The following PCDHGA5 variants were observed in gnomAD, a reference collection of about 807,000 sequenced individuals.
PCDHGA5 encodes the protein protocadherin gamma subfamily A, 5, also known as protocadherin gamma-A5.
PCDHGA5 carries 36 observed loss-of-function variants against 56.7 expected under a neutral mutation model. The observed-to-expected ratio is 0.64, with a 90% CI of 0.49 to 0.84. The LOEUF (loss-of-function observed/expected upper bound fraction) is 0.84. Among genes scored for constraint, PCDHGA5 ranks in the 40% least tolerant of loss-of-function variants. The pLI is 0.00. For synonymous variants in PCDHGA5, 563 were observed against 520.2 expected (o/e 1.08, Z -1.12); for missense variants, 1,305 against 1,201.5 (o/e 1.09, Z -1.27).
chr5:141,479,109 A>G (rs925202951), intron 1 of PCDHGA5, among the ~76,000 whole-genome samples: 4 of 152,234 alleles, frequency 2.6e-5, no homozygotes, highest in Admixed American at 2.6e-4. Context: ...TATTTCAAGC[A>G]TTCTACTGGA....
intron 1 of PCDHGA5, among the ~76,000 whole-genome samples, chr5:141,483,725 C>T (rs903001715): frequency 1.3e-5 from 2 of 152,008 alleles, no homozygotes; most frequent in Non-Finnish European, 1.5e-5. Context: ...TGGTTCCCAC[C>T]ATAGTCAAAA....
chr5:141,477,482 C>T lies in PCDHGA5; in HGVS notation c.2422-17325C>T, dbSNP rs1168724444. The T allele has an allele frequency of 6.2e-7, 1 of 1,614,118 alleles. No individual in the cohort carries two copies. Among genetic ancestry groups the T allele is most frequent in the Non-Finnish European group, 8.5e-7 (1 of 1,180,016 alleles). ...GTCCGACATCAATGACAACCCTCCA[C>T]AATCTTCTCAATCTTCCTACGACGT... is the stretch of plus-strand genomic sequence containing the variant. On this transcript the variant is annotated intron_variant, in intron 1 of 3. Coordinates refer to ENST00000518069, the MANE Select transcript of PCDHGA5 (RefSeq NM_018918.3). This position sits in a 1 kb window ranked among gnomAD's most constrained non-coding sequence, Gnocchi z 4.9.
At chr5:141,390,237 G>A (rs748278212) in intron 1 of PCDHGA5, 2 of 1,614,004 alleles carry the variant, frequency 1.2e-6, no homozygotes, top group Non-Finnish European at 1.7e-6. Flanking sequence ...TTCATCTGGG[G>A]CCTTATTTCC....
rs1459105534 is a variant in PCDHGA5 at position 141,366,603 on chromosome 5, C to T, written c.2273C>T (p.Ser758Phe). 5 of 1,614,108 alleles carry T rather than the reference C, an allele frequency of 3.1e-6. No homozygotes were observed. The Admixed American group carries it at 8.3e-5, about 27-fold the overall frequency. ...CTGCAGACCTATTCCCACGAGGTCT[C>T]CCTCACCGCGGACTCGAGGAAGAGT... is the stretch of plus-strand genomic sequence containing the variant. ...AFLQTYSHEV[S>F]LTADSRKSHL... The change falls in exon 1 of 4, where the codon TCC (serine) becomes TTC (phenylalanine). Residue 758 changes from serine to phenylalanine, a missense_variant. Transcript: ENST00000518069.
chr5:141,396,814 G>C (rs573559857), intron 1 of PCDHGA5, among the ~76,000 whole-genome samples: 10 of 152,322 alleles, frequency 6.6e-5, no homozygotes, highest in African/African-American at 2.2e-4. Flanking sequence ...GTGTTCTACT[G>C]TATGGTGCAT....
At position 141,492,138 on chromosome 5, in the gene PCDHGA5, T is replaced by C. The variant is rs577884713; in HGVS notation, c.2422-2669T>C. ...ATTTCTCCCCAGCTCCCAGCATCTG[T>C]GACTTCACTGTTACCCTCCCTATCC... On this transcript the variant is annotated intron_variant, in intron 1 of 3. Coordinates refer to ENST00000518069, the MANE Select transcript of PCDHGA5 (RefSeq NM_018918.3). 2.4e-3 allele frequency among the ~76,000 whole-genome samples: 366 copies of C among 152,312 alleles called. 1 individual carries two copies. Among genetic ancestry groups the C allele is most frequent in the Non-Finnish European group, 3.5e-3 (238 of 68,014 alleles).
At chr5:141,398,075 A>T in intron 1 of PCDHGA5, 1 of 1,592,106 alleles carries the variant, frequency 6.3e-7, no homozygotes, top group Non-Finnish European at 8.6e-7. Flanking sequence ...TACAGAGGTT[A>T]TTTGTAACCT....
At position 141,393,612 on chromosome 5, in the gene PCDHGA5, A is replaced by G. The variant is rs1171689277; in HGVS notation, c.2421+26861A>G. Reference sequence around the variant, plus strand: ...CACGCGGCTGCTTACTGTAACAGCCAGCGACCCGGATGAGGGAATCAACGG... The same window carrying G: ...CACGCGGCTGCTTACTGTAACAGCCGGCGACCCGGATGAGGGAATCAACGG... On this transcript the variant is annotated intron_variant, in intron 1 of 3. Coordinates refer to ENST00000518069, the MANE Select transcript of PCDHGA5 (RefSeq NM_018918.3). 6.2e-7 allele frequency: 1 copy of G among 1,613,840 alleles called. No homozygotes were observed. Among genetic ancestry groups the G allele is most frequent in the Non-Finnish European group, 8.5e-7 (1 of 1,179,908 alleles).
At chr5:141,488,705 G>C (rs1024064135) in intron 1 of PCDHGA5, among the ~76,000 whole-genome samples, 8 of 152,200 alleles carry the variant, frequency 5.3e-5, no homozygotes, top group Non-Finnish European at 1.2e-4. Context: ...AGATTTTGCT[G>C]GTTCAAGCAA....
At chr5:141,504,785 G>A (rs1439244687) in intron 2 of PCDHGA5, among the ~76,000 whole-genome samples, 1 of 151,964 alleles carries the variant, frequency 6.6e-6, no homozygotes, top group East Asian at 1.9e-4. Context: ...GTCTCTTGGG[G>A]CCTCCTACAT....
chr5:141,452,449 T>G (rs1482580788), intron 1 of PCDHGA5, among the ~76,000 whole-genome samples: 1 of 152,224 alleles, frequency 6.6e-6, no homozygotes, highest in South Asian at 2.1e-4. Flanking sequence ...TTCTAGGCCT[T>G]GTCAGCAGAC....
intron 1 of PCDHGA5, chr5:141,398,970 C>G (rs1320199481): frequency 6.2e-7 from 1 of 1,613,958 alleles, no homozygotes; most frequent in South Asian, 1.1e-5. Flanking sequence ...CTTATTCCTT[C>G]TACAGAACCG....
At position 141,477,896 on chromosome 5, in the gene PCDHGA5, G is replaced by A. The variant is rs1444527086; in HGVS notation, c.2422-16911G>A. 2 of 1,614,174 alleles carry A rather than the reference G, an allele frequency of 1.2e-6. No individual in the cohort carries two copies. Among genetic ancestry groups the A allele is most frequent in the Non-Finnish European group, 1.7e-6 (2 of 1,180,038 alleles). ...AGCTGGCCACCTAGTGTCACGGGTG[G>A]TAGGCTGGGACGCGGATGCAGGGCA... On this transcript the variant is annotated intron_variant, in intron 1 of 3. Coordinates refer to ENST00000518069, the MANE Select transcript of PCDHGA5 (RefSeq NM_018918.3). The surrounding 1 kb of genome is among the most constrained non-coding windows in gnomAD (Gnocchi z 4.9).
rs1366184046 is a variant in PCDHGA5 at position 141,364,744 on chromosome 5, A to T, written c.414A>T (p.Leu138Phe). The change falls in exon 1 of 4, where the codon TTA (leucine) becomes TTT (phenylalanine). Residue 138 changes from leucine (L) to phenylalanine (F), a missense_variant. Transcript: ENST00000518069. ...DNFPRFRDEE[L>F]KVKVNENAAA... The stretch of plus-strand genomic sequence containing the variant: ...TCCCGCGTTTCCGGGATGAAGAGTT[A>T]AAAGTAAAAGTTAATGAAAATGCGG... 1 of 1,613,990 alleles carries T rather than the reference A, an allele frequency of 6.2e-7. No individual in the cohort carries two copies. Among genetic ancestry groups the T allele is most frequent in the Non-Finnish European group, 8.5e-7 (1 of 1,179,882 alleles).
intron 1 of PCDHGA5, chr5:141,419,831 G>C: frequency 1.9e-6 from 3 of 1,614,048 alleles, no homozygotes; most frequent in Non-Finnish European, 2.5e-6. Context: ...TTCAGCCACT[G>C]CCACGCTGCA....
rs994881086 is a variant in PCDHGA5, at chr5:141,417,704, A to C, written c.2421+50953A>C. 1.0e-4 allele frequency: 125 copies of C among 1,207,342 alleles called. 3 individuals are homozygous for C. In the East Asian group the frequency reaches 2.7e-3, roughly 26 times the overall value. The allele number at this position is 1,207,342 out of a possible 1,614,324, so 74.8% of individuals were successfully genotyped here. Reference sequence around the variant, plus strand: ...CAGAAAAGAAAACCAGCTCCCACACAGAGGCTCCCGGCTGCGCAGACCTTG... The same window carrying C: ...CAGAAAAGAAAACCAGCTCCCACACCGAGGCTCCCGGCTGCGCAGACCTTG... On this transcript the variant is annotated intron_variant, in intron 1 of 3. Transcript: ENST00000518069.
At chr5:141,406,083 T>C (rs539696065) in intron 1 of PCDHGA5, among the ~76,000 whole-genome samples, 2 of 151,900 alleles carry the variant, frequency 1.3e-5, no homozygotes, top group South Asian at 4.2e-4. Flanking sequence ...TTTTTTTTTT[T>C]TTTTAAGAGA....
intron 1 of PCDHGA5, among the ~76,000 whole-genome samples, chr5:141,386,301 G>T (rs1049977575): frequency 1.3e-5 from 2 of 152,180 alleles, no homozygotes; most frequent in Non-Finnish European, 1.5e-5. Context: ...TTTTAGTAAA[G>T]CTCAGTATAT....
At chr5:141,433,020 C>G (rs761127608) in intron 1 of PCDHGA5, 5 of 1,614,152 alleles carry the variant, frequency 3.1e-6, no homozygotes, top group East Asian at 2.2e-5. Flanking sequence ...CAGACCTATT[C>G]CCACGAGGTT....
Sources: allele counts gnomAD v4.1 joint callset (sites outside exome capture counted in the v4.1 genomes callset), GRCh38; gene constraint gnomAD v4.1.1; non-coding constraint Gnocchi (gnomAD v3.1); transcripts MANE v1.5; gene names NCBI Gene and HGNC (gene_info 2026-07-23, HGNC 2026-07-21).